Variants in ZNF709 observed in about 807,000 individuals in gnomAD.
ZNF709 encodes zinc finger protein 709.
In ZNF709, 15 loss-of-function variants were observed where a neutral mutation model predicts 10.6. The observed-to-expected ratio is 1.41, with a 90% confidence interval of 0.95 to 2.18. ZNF709 has a LOEUF of 2.18. Among genes scored for constraint, ZNF709 ranks in the 30% most tolerant of loss-of-function variants. The probability of loss-of-function intolerance (pLI) is 0.00; values close to 1 mark genes in which losing one functional copy is unlikely to be tolerated. For synonymous variants in ZNF709, 194 were observed against 238.8 expected (o/e 0.81, Z 1.73); for missense variants, 589 against 774.0 (o/e 0.76, Z 2.84).
intron 1 of ZNF709, among the ~76,000 whole-genome samples, chr19:12,467,110 T>C (rs1336676379): frequency 6.6e-6 from 1 of 152,116 alleles, no homozygotes; most frequent in Non-Finnish European, 1.5e-5. Flanking sequence ...CTTAGAGAAA[T>C]GCTATACGAT....
Position 12,464,345 on chromosome 19 carries a change from T to C in ZNF709, c.1577A>G (p.His526Arg), listed in dbSNP as rs776791257. 1.9e-6 allele frequency: 3 copies of C among 1,611,764 alleles called. No homozygotes were observed. In the Admixed American group the frequency reaches 5.0e-5, roughly 27 times the overall value. The change falls in exon 4 of 4, where the codon CAC becomes CGC. Residue 526 changes from histidine to arginine, a missense_variant. Coordinates refer to ENST00000397732, the MANE Select transcript of ZNF709 (RefSeq NM_152601.4). ...SSSFRMHERT[H>R]TGEKPYECKQ... ...ACATTCATAGGGTTTCTCCCCAGTG[T>C]GAGTCCTTTCATGCATTCGAAAGGA...
chr19:12,467,700 G>A (rs1049439302), intron 1 of ZNF709, among the ~76,000 whole-genome samples: 17 of 151,666 alleles, frequency 1.1e-4, no homozygotes, highest in South Asian at 8.3e-4. Context: ...AGTGAGGAGC[G>A]TCTCTGCCCG....
chr19:12,468,982 T>C (rs970968576), intron 1 of ZNF709, among the ~76,000 whole-genome samples: 2 of 151,934 alleles, frequency 1.3e-5, no homozygotes, highest in African/African-American at 4.8e-5. Flanking sequence ...CTAGGACTAC[T>C]GGCGCCCGCC....
chr19:12,469,551 G>A (rs67988101), intron 1 of ZNF709, among the ~76,000 whole-genome samples: 63,051 of 151,698 alleles, frequency 0.42, 14,471 homozygotes, highest in Non-Finnish European at 0.51. Flanking sequence ...GGTGGATCAC[G>A]AGGTCAGGAG....
In ZNF709 at chr19:12,465,144, C is replaced by T. The variant is rs761205362; in HGVS notation, c.778G>A (p.Ala260Thr). ...KPYECKQCGK[A>T]FRYYQTFQIH... ...TGAAAAGTTTGGTAATATCTGAAAG[C>T]TTTTCCACATTGTTTACATTCATAG... The change falls in exon 4 of 4, where the codon GCT (alanine) becomes ACT (threonine). Residue 260 changes from alanine (A) to threonine (T), a missense_variant. By Grantham distance (58) the Ala-to-Thr change is moderately conservative. Coordinates refer to ENST00000397732, the MANE Select transcript of ZNF709 (RefSeq NM_152601.4). 19 of 1,612,200 alleles carry T rather than the reference C, an allele frequency of 1.2e-5. No homozygotes were observed. The highest frequency in any genetic ancestry group is 1.7e-5 in the Admixed American group (1 of 59,560).
In ZNF709 at chr19:12,464,173, A is replaced by C; in HGVS notation, c.1749T>G (p.Thr583=). ...GTTTACATTCATAGGGTTTCACTCC[A>C]GTGTGAGTCCTTTCATGCATTCGAA... ...SSVRMHERTH[T]GVKPYECKQC... The change falls in exon 4 of 4, where the codon ACT becomes ACG. Residue 583 remains threonine, a synonymous_variant. Transcript: ENST00000397732. 6.3e-7 allele frequency: 1 copy of C among 1,578,566 alleles called. No homozygotes were observed.
intron 1 of ZNF709, among the ~76,000 whole-genome samples, chr19:12,474,880 C>A (rs555029311): frequency 3.9e-5 from 6 of 152,266 alleles, no homozygotes; most frequent in Non-Finnish European, 7.4e-5. Flanking sequence ...TCACTTTCAA[C>A]TCTAGTATAA....
At chr19:12,473,414 G>A (rs1478330530) in intron 1 of ZNF709, among the ~76,000 whole-genome samples, 1 of 152,152 alleles carries the variant, frequency 6.6e-6, no homozygotes, top group South Asian at 2.1e-4. Context: ...GAAGATAAAG[G>A]TATAAAGAAT....
chr19:12,466,445 T>C lies in ZNF709; in HGVS notation c.188+17A>G. 6.2e-7 allele frequency: 1 copy of C among 1,611,852 alleles called. No homozygotes were observed. The highest frequency in any genetic ancestry group is 8.5e-7 in the Non-Finnish European group (1 of 1,178,194). ...TTCTCTCATAAGACAGTATTTTCTTTTGTAAGTACAACTCACCTTAGCTTT... is the reference window on the plus strand; with the variant it reads ...TTCTCTCATAAGACAGTATTTTCTTCTGTAAGTACAACTCACCTTAGCTTT... On this transcript the variant is annotated intron_variant, in intron 3 of 3. Transcript: ENST00000397732.
chr19:12,472,134 A>C (rs1226124535), intron 1 of ZNF709, among the ~76,000 whole-genome samples: 1 of 152,176 alleles, frequency 6.6e-6, no homozygotes, highest in African/African-American at 2.4e-5. Context: ...GGCTGCAGTA[A>C]GCTATCACAC....
At position 12,465,488 on chromosome 19, in the gene ZNF709, C is replaced by A; in HGVS notation, c.434G>T (p.Cys145Phe). 6.2e-7 allele frequency: 1 copy of A among 1,609,138 alleles called. No individual in the cohort carries two copies. The highest frequency in any genetic ancestry group is 8.5e-7 in the Non-Finnish European group (1 of 1,178,212). Residue 145 changes from cysteine to phenylalanine, a missense_variant, in exon 4 of 4, where the codon TGT (cysteine) becomes TTT (phenylalanine). Coordinates refer to ENST00000397732, the MANE Select transcript of ZNF709 (RefSeq NM_152601.4). ...YGEKSYECKE[C>F]GKRFSFRSSF... ...ACTTCGAAAGCTGAATCTTTTCCCA[C>A]ATTCCTTACATTCATATGATTTCTC...
At chr19:12,469,507 G>A (rs1045919541) in intron 1 of ZNF709, among the ~76,000 whole-genome samples, 1 of 152,004 alleles carries the variant, frequency 6.6e-6, no homozygotes, top group Non-Finnish European at 1.5e-5. Flanking sequence ...GGTTGCTCAC[G>A]CCTATAATCC....
In ZNF709 at chr19:12,465,083, T is replaced by C; in HGVS notation, c.839A>G (p.Tyr280Cys). 1 of 1,613,158 alleles carries C rather than the reference T, an allele frequency of 6.2e-7. No homozygotes were observed. Among genetic ancestry groups the C allele is most frequent in the South Asian group, 1.1e-5 (1 of 90,850 alleles). ...HERTHTGEKPYQCKQCGKALS... is the reference protein window; with the variant it reads ...HERTHTGEKPCQCKQCGKALS... ...AGCTTTACCACATTGCTTACACTGATAGGGTTTTTCCCCAGTGTGAGTCCT... is the reference window on the plus strand; with the variant it reads ...AGCTTTACCACATTGCTTACACTGACAGGGTTTTTCCCCAGTGTGAGTCCT... The change falls in exon 4 of 4, where the codon TAT (tyrosine) becomes TGT (cysteine). Residue 280 changes from tyrosine (Y) to cysteine (C), a missense_variant. Tyr to Cys is a radical substitution (Grantham distance 194). Coordinates refer to ENST00000397732, the MANE Select transcript of ZNF709 (RefSeq NM_152601.4).
At position 12,468,460 on chromosome 19, in the gene ZNF709, C is replaced by G. The variant is rs1970603717; in HGVS notation, c.4-1610G>C. On this transcript the variant is annotated intron_variant, in intron 1 of 3. Transcript: ENST00000397732. ...AGGGTTAAATGGATTAAGGGCGGTG[C>G]AAGATGTGCTTTGGTAAACAGATGC... Among the ~76,000 whole-genome samples the G allele has an allele frequency of 3.3e-5, 5 of 151,960 alleles. No individual in the cohort carries two copies. In the South Asian group the frequency reaches 1.0e-3, roughly 32 times the overall value.
chr19:12,478,183 A>G (rs1156283189), intron 1 of ZNF709, among the ~76,000 whole-genome samples: 1 of 152,196 alleles, frequency 6.6e-6, no homozygotes, highest in Non-Finnish European at 1.5e-5. Flanking sequence ...TTTTTCAAAA[A>G]TGACTGCTCT....
intron 2 of ZNF709, 74 bp downstream of exon 2, chr19:12,466,650 C>T: frequency 6.2e-7 from 1 of 1,611,458 alleles, no homozygotes; most frequent in Non-Finnish European, 8.5e-7. Flanking sequence ...ACATTCTAAA[C>T]CTTGGAACCT....
intron 1 of ZNF709, among the ~76,000 whole-genome samples, chr19:12,483,297 C>T (rs1380127433): frequency 2.7e-5 from 4 of 147,068 alleles, no homozygotes; most frequent in African/African-American, 7.5e-5. Context: ...CAGGCCATTA[C>T]GCCCAGCTAA....
At position 12,484,753 on chromosome 19, in the gene ZNF709, C is replaced by T. The variant is rs538151424; in HGVS notation, c.-96G>A. On this transcript the variant is annotated 5_prime_UTR_variant, in exon 1 of 4. Coordinates refer to ENST00000397732, the MANE Select transcript of ZNF709 (RefSeq NM_152601.4). ...TGAGGCCCTTCCTCCACCTGAGGGC[C>T]TTCTGGGGTGAGGAGACCCCAGAGC... 1.3e-6 allele frequency: 2 copies of T among 1,567,840 alleles called. No homozygotes were observed. The highest frequency in any genetic ancestry group is 2.2e-5 in the East Asian group (1 of 44,488).
intron 1 of ZNF709, among the ~76,000 whole-genome samples, chr19:12,479,211 G>C (rs1229640080): frequency 6.6e-6 from 1 of 152,098 alleles, no homozygotes; most frequent in Non-Finnish European, 1.5e-5. Context: ...GCTGAGGTGG[G>C]AAGATCACTT....
Sources: allele counts gnomAD v4.1 joint callset (sites outside exome capture counted in the v4.1 genomes callset), GRCh38; gene constraint gnomAD v4.1.1; transcripts MANE v1.5; gene names NCBI Gene and HGNC (gene_info 2026-07-23, HGNC 2026-07-21).